SH3PXD2B: variants seen among roughly 807,000 people sequenced by gnomAD.
SH3PXD2B encodes SH3 and PX domains 2B.
SH3PXD2B carries 37 observed loss-of-function variants against 73.1 expected under a neutral mutation model. That is an observed-to-expected ratio of 0.51 (90% CI 0.39 to 0.67). The LOEUF (loss-of-function observed/expected upper bound fraction) is 0.67, where lower values mean the gene tolerates loss of function less well. Ranked by LOEUF, SH3PXD2B falls within the 30% of genes least tolerant of loss-of-function variation. The probability of loss-of-function intolerance (pLI) is 0.00; values close to 1 mark genes in which losing one functional copy is unlikely to be tolerated. For synonymous variants in SH3PXD2B, 457 were observed against 480.5 expected, an observed-to-expected ratio of 0.95 and a Z score of 0.64; for missense variants, 1,053 against 1,197.8, an observed-to-expected ratio of 0.88 and a Z score of 1.78.
intron 1 of SH3PXD2B, among the ~76,000 whole-genome samples, chr5:172,441,515 C>G (rs1435027881): frequency 6.6e-6 from 1 of 152,190 alleles, no homozygotes; most frequent in Non-Finnish European, 1.5e-5. Context: ...GGCATTTATT[C>G]TAGGCCAGGC....
In SH3PXD2B at chr5:172,338,762, T is replaced by G. The variant is rs749769688; in HGVS notation, c.2343A>C (p.Pro781=). 5.0e-6 allele frequency: 8 copies of G among 1,614,232 alleles called. No homozygotes were observed. The East Asian group carries it at 1.8e-4, about 36-fold the overall frequency. The change falls in exon 13 of 13, where the codon CCA becomes CCC. Residue 781 remains proline (P), a synonymous_variant. Coordinates refer to ENST00000311601, the MANE Select transcript of SH3PXD2B (RefSeq NM_001017995.3). This position sits in a 1 kb window ranked among gnomAD's most constrained non-coding sequence, Gnocchi z 5.1. ...CCCTGCTTTCGTGGCCTTCACACTGTGGACCTCTGACCTCTGGGAGCGGCC... is the reference window on the plus strand; with the variant it reads ...CCCTGCTTTCGTGGCCTTCACACTGGGGACCTCTGACCTCTGGGAGCGGCC... ...SSRPLPEVRG[P]QCEGHESRAA... is the part of the protein sequence containing the mutation.
intron 12 of SH3PXD2B, among the ~76,000 whole-genome samples, chr5:172,344,522 A>G (rs958535055): frequency 1.7e-4 from 22 of 128,010 alleles, no homozygotes; most frequent in African/African-American, 6.5e-4. Flanking sequence ...TGGGAGGCGG[A>G]GGTTGCAGTG....
Position 172,379,100 on chromosome 5 carries a change from G to C in SH3PXD2B, c.401+2936C>G, listed in dbSNP as rs193242213. ...AAAAAAAAAAAAAAAAAGGAAAGTG[G>C]CTTCTATAAACTGAATTCATATATT... On this transcript the variant is annotated intron_variant, in intron 5 of 12. Coordinates refer to ENST00000311601, the MANE Select transcript of SH3PXD2B (RefSeq NM_001017995.3). 1.6e-3 allele frequency among the ~76,000 whole-genome samples: 238 copies of C among 149,382 alleles called. 2 individuals are homozygous for C. Among genetic ancestry groups the C allele is most frequent in the African/African-American group, 5.6e-3 (228 of 40,708 alleles).
chr5:172,329,059 G>GTATATATATATATATA (rs1211712213), downstream of SH3PXD2B, among the ~76,000 whole-genome samples: 3 of 96,916 alleles, frequency 3.1e-5, no homozygotes, highest in African/African-American at 1.3e-4. Flanking sequence ...GTGTGTGTGT[G>GTATATATATATATATA]TATATATATA....
chr5:172,434,046 C>T (rs1431232587), intron 1 of SH3PXD2B, among the ~76,000 whole-genome samples: 1 of 151,876 alleles, frequency 6.6e-6, no homozygotes, highest in Non-Finnish European at 1.5e-5. Context: ...AAAGTGCTAA[C>T]AATCAATAGC....
rs932832129 is a variant in SH3PXD2B at position 172,335,519 on chromosome 5, C to T, written c.*2850G>A. 8.1e-7 allele frequency: 1 copy of T among 1,231,714 alleles called. No individual in the cohort carries two copies. Among genetic ancestry groups the T allele is most frequent in the Non-Finnish European group, 1.0e-6 (1 of 987,970 alleles). 76.3% of individuals were successfully genotyped at this position (1,231,714 alleles called of 1,614,324 possible). ...CTCCCTCTGAACCTTAATTTTCTCA[C>T]TATAGATCAGGGCTGGTCCTATCCG... On this transcript the variant is annotated 3_prime_UTR_variant, in exon 13 of 13. Coordinates refer to ENST00000311601, the MANE Select transcript of SH3PXD2B (RefSeq NM_001017995.3).
chr5:172,337,621 T>C lies in SH3PXD2B; in HGVS notation c.*748A>G, dbSNP rs754068751. ...CTCCAAGTTGGGGTGGGAACTCTCA[T>C]TGAAAAGCCCTGGAGGGACCGGAGC... On this transcript the variant is annotated 3_prime_UTR_variant, in exon 13 of 13. Coordinates refer to ENST00000311601, the MANE Select transcript of SH3PXD2B (RefSeq NM_001017995.3). 202 of 985,388 alleles carry C rather than the reference T, an allele frequency of 2.0e-4. No individual in the cohort carries two copies. The highest frequency in any genetic ancestry group is 1.0e-3 in the Admixed American group (17 of 16,270). 61.0% of individuals were successfully genotyped at this position (985,388 alleles called of 1,614,324 possible). A position where few individuals can be genotyped will look rare whatever the true frequency, so the allele number is the denominator to read the frequency against.
rs1756649121 is a variant in SH3PXD2B at position 172,334,833 on chromosome 5, T to A, written c.*3536A>T. On this transcript the variant is annotated 3_prime_UTR_variant, in exon 13 of 13. Coordinates refer to ENST00000311601, the MANE Select transcript of SH3PXD2B (RefSeq NM_001017995.3). ...TCAGCACTTGCTCTTTAACGTGGCA[T>A]ATGTTCCCCCATCTTCCACCTGGTA... is the stretch of plus-strand genomic sequence containing the variant. 1 of 985,460 alleles carries A rather than the reference T, an allele frequency of 1.0e-6. No homozygotes were observed. Among genetic ancestry groups the A allele is most frequent in the African/African-American group, 1.7e-5 (1 of 57,356 alleles). The allele number at this position is 985,460 out of a possible 1,614,324, so 61.0% of individuals were successfully genotyped here. A position where few individuals can be genotyped will look rare whatever the true frequency, so the allele number is the denominator to read the frequency against.
intron 1 of SH3PXD2B, among the ~76,000 whole-genome samples, chr5:172,438,590 C>CAA (rs1343222889): frequency 1.3e-5 from 2 of 152,188 alleles, no homozygotes; most frequent in African/African-American, 2.4e-5. Flanking sequence ...GTACCAGAAA[C>CAA]AGAGCTGGCT....
At chr5:172,434,708 A>T (rs1759325523) in intron 1 of SH3PXD2B, among the ~76,000 whole-genome samples, 1 of 152,058 alleles carries the variant, frequency 6.6e-6, no homozygotes, top group South Asian at 2.1e-4. Flanking sequence ...GGCATTAATT[A>T]CAAGGGCTGG....
chr5:172,357,118 C>CAAAAA (rs59461760), intron 8 of SH3PXD2B, among the ~76,000 whole-genome samples: 20 of 59,004 alleles, frequency 3.4e-4, no homozygotes, highest in African/African-American at 8.8e-4. Context: ...GACCCCATCT[C>CAAAAA]AAAAAAAAAA....
chr5:172,339,731 GT>G lies in SH3PXD2B; in HGVS notation c.1373del (p.Asn458ThrfsTer38). 1 of 1,614,114 alleles carries G rather than the reference GT, an allele frequency of 6.2e-7. No homozygotes were observed. The highest frequency in any genetic ancestry group is 1.6e-4 in the Middle Eastern group (1 of 6,062). ...AGGGGCCCGTGGCTTCGCTGCCCGT[GT>G]TGTTCTCCAGCGCTGCTGCTTCCCC... ...RLGEAAALEN[N>X]TGSEATGPSR... On this transcript the variant is annotated frameshift_variant, in exon 13 of 13. Transcript: ENST00000311601. LOFTEE classifies it low-confidence loss of function (END_TRUNC). The surrounding 1 kb of genome is among the most constrained non-coding windows in gnomAD (Gnocchi z 6.1).
At chr5:172,454,136 CAG>C in intron 1 of SH3PXD2B, 140 bp downstream of exon 1, 1 of 545,510 alleles carries the variant, frequency 1.8e-6, no homozygotes, top group Non-Finnish European at 3.0e-6. Context: ...GGGACCCGGG[CAG>C]CGCCGCCGCA....
rs1233319484 is a variant in SH3PXD2B at position 172,439,293 on chromosome 5, C to CAAA, written c.75+14984_75+14985insTTT. 5.0e-4 allele frequency among the ~76,000 whole-genome samples: 31 copies of CAAA among 61,612 alleles called. 5 individuals carry two copies. The highest frequency in any genetic ancestry group is 2.4e-3 in the African/African-American group (29 of 12,100). 40.4% of individuals were successfully genotyped at this position (61,612 alleles called of 152,430 possible). ...AACAAAAACAAAACAAAAAAAAAACCCCAAAAAAAAACCACAGGCATCGGC... is the reference window on the plus strand; with the variant it reads ...AACAAAAACAAAACAAAAAAAAAACCAAACCAAAAAAAAACCACAGGCATCGGC... On this transcript the variant is annotated intron_variant, in intron 1 of 12. Transcript: ENST00000311601.
intron 12 of SH3PXD2B, among the ~76,000 whole-genome samples, chr5:172,340,182 T>C (rs958988075): frequency 6.6e-6 from 1 of 152,024 alleles, no homozygotes; most frequent in African/African-American, 2.4e-5. Context: ...AATTTGAGAG[T>C]TGGTCCTAGG....
intron 1 of SH3PXD2B, among the ~76,000 whole-genome samples, chr5:172,450,304 T>C (rs1258689222): frequency 6.6e-6 from 1 of 152,016 alleles, no homozygotes; most frequent in Non-Finnish European, 1.5e-5. Flanking sequence ...AGGATAGTGG[T>C]TTTATGGGGG....
At chr5:172,383,426 A>C (rs544282581) in intron 4 of SH3PXD2B, among the ~76,000 whole-genome samples, 5 of 152,342 alleles carry the variant, frequency 3.3e-5, no homozygotes, top group African/African-American at 7.2e-5. Context: ...TCAGCACTGC[A>C]CTAGTTTCTG....
Position 172,445,685 on chromosome 5 carries a change from A to G in SH3PXD2B, c.75+8593T>C, listed in dbSNP as rs1581346508. Among the ~76,000 whole-genome samples, 1 of 152,252 alleles carries G rather than the reference A, an allele frequency of 6.6e-6. No individual in the cohort carries two copies. The highest frequency in any genetic ancestry group is 1.9e-4 in the East Asian group (1 of 5,204). On this transcript the variant is annotated intron_variant, in intron 1 of 12. Coordinates refer to ENST00000311601, the MANE Select transcript of SH3PXD2B (RefSeq NM_001017995.3). This position sits in a 1 kb window ranked among gnomAD's most constrained non-coding sequence, Gnocchi z 5.2. ...CATGTTTATTTGAAACCGAAATTGA[A>G]CTGGGCATTCTGCATTTTCATTTGC...
intron 1 of SH3PXD2B, among the ~76,000 whole-genome samples, chr5:172,440,550 C>CA (rs1759532778): frequency 6.6e-6 from 1 of 152,180 alleles, no homozygotes; most frequent in Non-Finnish European, 1.5e-5. Context: ...GCCCCACAAC[C>CA]AAAGCCAAAA....
Sources: gnomAD v4.1 joint callset for allele counts (sites outside exome capture counted in the v4.1 genomes callset) on GRCh38, gnomAD v4.1.1 for gene constraint, Gnocchi (gnomAD v3.1) non-coding constraint, MANE v1.5 for transcripts, NCBI Gene and HGNC (gene_info 2026-07-23, HGNC 2026-07-21) for gene names.